DOCK3: variants seen among roughly 807,000 people sequenced by gnomAD.
DOCK3 encodes dedicator of cytokinesis 3, also known as dedicator of cytokinesis protein 3.
A neutral mutation model predicts 265.6 loss-of-function variants in DOCK3; 60 were observed. That is an observed-to-expected ratio of 0.23 (90% CI 0.18 to 0.28). The LOEUF is 0.28. Among genes scored for constraint, DOCK3 ranks in the 10% least tolerant of loss-of-function variants. The pLI is 1.00. For synonymous variants in DOCK3, 881 were observed against 938.0 expected, an observed-to-expected ratio of 0.94 and a Z score of 1.11; for missense variants, 1,981 against 2,594.3, an observed-to-expected ratio of 0.76 and a Z score of 5.14.
intron 5 of DOCK3, among the ~76,000 whole-genome samples, chr3:50,975,731 T>G (rs989458353): frequency 6.6e-6 from 1 of 152,214 alleles, no homozygotes; most frequent in Non-Finnish European, 1.5e-5. Context: ...CAGTTCCTCC[T>G]TGTACTTCTG....
intron 1 of DOCK3, among the ~76,000 whole-genome samples, chr3:50,765,857 A>G (rs2040839841): frequency 6.6e-6 from 1 of 152,170 alleles, no homozygotes; most frequent in Non-Finnish European, 1.5e-5. Context: ...GAACACCAGA[A>G]TGTATTCCTC....
chr3:51,109,065 A>G (rs1255553423), intron 9 of DOCK3, among the ~76,000 whole-genome samples: 1 of 150,936 alleles, frequency 6.6e-6, no homozygotes, highest in Non-Finnish European at 1.5e-5. Context: ...CCCCAAAACA[A>G]CAGAATATAC....
At chr3:50,861,458 GTTTAA>G (rs1289549207) in intron 3 of DOCK3, among the ~76,000 whole-genome samples, 4 of 152,134 alleles carry the variant, frequency 2.6e-5, no homozygotes, top group Admixed American at 6.6e-5. Flanking sequence ...TTGGTGAAGA[GTTTAA>G]TTTAAGTCCA....
chr3:51,156,738 C>G (rs189818625), intron 10 of DOCK3, among the ~76,000 whole-genome samples: 1 of 152,170 alleles, frequency 6.6e-6, no homozygotes, highest in East Asian at 1.9e-4. Flanking sequence ...TGAAAAATAC[C>G]ATAAATTATA....
intron 1 of DOCK3, among the ~76,000 whole-genome samples, chr3:50,768,057 G>A (rs978726172): frequency 2.6e-5 from 4 of 152,176 alleles, no homozygotes; most frequent in Non-Finnish European, 5.9e-5. Flanking sequence ...CATGCCGTCT[G>A]CAAACAGGGA....
intron 5 of DOCK3, among the ~76,000 whole-genome samples, chr3:51,019,461 T>C (rs925023798): frequency 2.0e-5 from 3 of 151,938 alleles, no homozygotes; most frequent in African/African-American, 7.3e-5. Flanking sequence ...ATAGATTCTA[T>C]TTTTTCCCTT....
intron 3 of DOCK3, among the ~76,000 whole-genome samples, chr3:50,849,991 AT>A (rs2046284479): frequency 6.6e-6 from 1 of 151,846 alleles, no homozygotes; most frequent in African/African-American, 2.4e-5. Context: ...TTTCAATTGT[AT>A]TTTGAAATTC....
chr3:50,829,879 T>G (rs1357319459), intron 2 of DOCK3, among the ~76,000 whole-genome samples: 2 of 152,282 alleles, frequency 1.3e-5, no homozygotes, highest in South Asian at 2.1e-4. Flanking sequence ...CAAGTAAAAA[T>G]TCTCAGTTTT....
At chr3:51,101,169 G>A (rs1411086228) in intron 9 of DOCK3, among the ~76,000 whole-genome samples, 3 of 143,174 alleles carry the variant, frequency 2.1e-5, no homozygotes, top group Non-Finnish European at 4.5e-5. Flanking sequence ...GCCGGACTGC[G>A]GACTGCAGTG....
At chr3:50,746,750 A>G (rs890076453) in intron 1 of DOCK3, among the ~76,000 whole-genome samples, 1 of 152,118 alleles carries the variant, frequency 6.6e-6, no homozygotes, top group Non-Finnish European at 1.5e-5. Context: ...CAAGAGCAGG[A>G]GTAAGGGGTG....
At chr3:51,242,048 G>A (rs769207426) in intron 21 of DOCK3, among the ~76,000 whole-genome samples, 11 of 151,938 alleles carry the variant, frequency 7.2e-5, no homozygotes, top group Non-Finnish European at 1.2e-4. Context: ...TTGTGGGCTT[G>A]TCACTCTTCA....
chr3:50,847,271 T>G (rs1354319993), intron 3 of DOCK3, among the ~76,000 whole-genome samples: 1 of 152,228 alleles, frequency 6.6e-6, no homozygotes, highest in Non-Finnish European at 1.5e-5. Flanking sequence ...TTCCATGTAA[T>G]TATGTGGTTT....
chr3:51,308,551 A>G (rs1486582770), intron 27 of DOCK3, among the ~76,000 whole-genome samples: 2 of 151,988 alleles, frequency 1.3e-5, no homozygotes, highest in Non-Finnish European at 2.9e-5. Context: ...TCATAGATCA[A>G]CAGGATCCCA....
At chr3:51,356,655 T>C (rs1413149180) in intron 43 of DOCK3, among the ~76,000 whole-genome samples, 162 bp downstream of exon 43, 1 of 152,110 alleles carries the variant, frequency 6.6e-6, no homozygotes, top group African/African-American at 2.4e-5. Context: ...TACCTTCTCT[T>C]ATCTAATCCA....
At chr3:51,303,317 T>C (rs2082459563) in intron 27 of DOCK3, among the ~76,000 whole-genome samples, 1 of 152,202 alleles carries the variant, frequency 6.6e-6, no homozygotes, top group Non-Finnish European at 1.5e-5. Flanking sequence ...CTGTAATGTT[T>C]TATCATGGTT....
chr3:51,123,810 T>A (rs1176050786), intron 9 of DOCK3, among the ~76,000 whole-genome samples: 1 of 152,110 alleles, frequency 6.6e-6, no homozygotes, highest in Non-Finnish European at 1.5e-5. Flanking sequence ...ACACAGACAG[T>A]CTAGGCATAG....
At position 50,719,603 on chromosome 3, in the gene DOCK3, T is replaced by G. The variant is rs926351027; in HGVS notation, c.37+44303T>G. 4 of 1,513,638 alleles carry G rather than the reference T, an allele frequency of 2.6e-6. No individual in the cohort carries two copies. In the African/African-American group the frequency reaches 5.5e-5, roughly 21 times the overall value. The allele number at this position is 1,513,638 out of a possible 1,614,324, so 93.8% of individuals were successfully genotyped here. A position where few individuals can be genotyped will look rare whatever the true frequency, so the allele number is the denominator to read the frequency against. On this transcript the variant is annotated intron_variant, in intron 1 of 52. Transcript: ENST00000266037. ...ATTCACCTTGCCAAAGACCACATGC[T>G]TGCCATCCAACCACTGAGGTCTTGG... is the stretch of plus-strand genomic sequence containing the variant.
chr3:50,822,671 A>AT (rs34830332), intron 2 of DOCK3, among the ~76,000 whole-genome samples: 14,315 of 151,834 alleles, frequency 0.094, 834 homozygotes, highest in Non-Finnish European at 0.12. Context: ...TAATTTTTAA[A>AT]TTTTTTTCAT....
chr3:50,723,838 T>C (rs757278944), intron 1 of DOCK3, among the ~76,000 whole-genome samples: 11 of 152,010 alleles, frequency 7.2e-5, no homozygotes, highest in Non-Finnish European at 8.8e-5. Flanking sequence ...AAAGCCCAAA[T>C]AGACAGATGG....
Sources: allele counts gnomAD v4.1 joint callset (sites outside exome capture counted in the v4.1 genomes callset), GRCh38; gene constraint gnomAD v4.1.1; transcripts MANE v1.5; gene names NCBI Gene and HGNC (gene_info 2026-07-23, HGNC 2026-07-21).